Variants in GNG12 observed in about 807,000 individuals in gnomAD.
GNG12 encodes the protein G protein subunit gamma 12, also known as guanine nucleotide-binding protein G(I)/G(S)/G(O) subunit gamma-12.
For synonymous variants in GNG12, 28 were observed against 29.7 expected (o/e 0.94, Z 0.19); for missense variants, 69 against 83.8 (o/e 0.82, Z 0.69).
At chr1:67,751,063 G>T (rs1057217233) in intron 2 of GNG12, among the ~76,000 whole-genome samples, 5 of 151,840 alleles carry the variant, frequency 3.3e-5, no homozygotes, top group African/African-American at 4.8e-5. Flanking sequence ...TTTAACCTCA[G>T]TTATTATTTG....
intron 1 of GNG12, among the ~76,000 whole-genome samples, chr1:67,799,930 G>A (rs1646854547): frequency 6.6e-6 from 1 of 152,066 alleles, no homozygotes; most frequent in Non-Finnish European, 1.5e-5. Flanking sequence ...TTTGTGACAT[G>A]TTTTTGTAGT....
intron 2 of GNG12, among the ~76,000 whole-genome samples, chr1:67,723,584 C>T (rs1394528103): frequency 6.6e-6 from 1 of 152,152 alleles, no homozygotes; most frequent in East Asian, 1.9e-4. Flanking sequence ...ATACCACTTA[C>T]ACTTGCCAAG....
At position 67,704,505 on chromosome 1, in the gene GNG12, C is replaced by T. The variant is rs915215063; in HGVS notation, c.*946G>A. The T allele has an allele frequency of 1.3e-5, 2 of 152,556 alleles. No homozygotes were observed. The highest frequency in any genetic ancestry group is 4.8e-5 in the African/African-American group (2 of 41,422). 9.5% of individuals were successfully genotyped at this position (152,556 alleles called of 1,614,324 possible). ...CAGCTGTTTTTCACACATTCCTGCT[C>T]CTCTCTCAGCTGGGCTCATGTTCAC... On this transcript the variant is annotated 3_prime_UTR_variant, in exon 4 of 4. Transcript: ENST00000370982.
At position 67,738,431 on chromosome 1, in the gene GNG12, T is replaced by C. The variant is rs80351293; in HGVS notation, c.-26-30719A>G. ...GAGGTGAATAAATAGACTCAGTCAC[T>C]GTCCTCACTGAGCTTTGGTCTATAT... On this transcript the variant is annotated intron_variant, in intron 2 of 3. Coordinates refer to ENST00000370982, the MANE Select transcript of GNG12 (RefSeq NM_018841.6). 6.2e-3 allele frequency among the ~76,000 whole-genome samples: 942 copies of C among 152,330 alleles called. 11 individuals carry two copies. Among genetic ancestry groups the C allele is most frequent in the East Asian group, 0.032 (165 of 5,186 alleles).
intron 2 of GNG12, among the ~76,000 whole-genome samples, chr1:67,722,024 T>C (rs1159912977): frequency 6.6e-6 from 1 of 152,152 alleles, no homozygotes; most frequent in Non-Finnish European, 1.5e-5. Context: ...TTTATGATTC[T>C]AGTCTTAAAG....
chr1:67,719,822 T>C (rs1646346899), intron 2 of GNG12, among the ~76,000 whole-genome samples: 1 of 152,230 alleles, frequency 6.6e-6, no homozygotes, highest in African/African-American at 2.4e-5. Flanking sequence ...CCCAGATATC[T>C]GACTTTAAAG....
chr1:67,719,267 A>T (rs1378740885), intron 2 of GNG12, among the ~76,000 whole-genome samples: 1 of 151,880 alleles, frequency 6.6e-6, no homozygotes, highest in Non-Finnish European at 1.5e-5. Context: ...AGTTCACATC[A>T]CCTCTTCCAA....
At chr1:67,739,700 G>A (rs1220805987) in intron 2 of GNG12, among the ~76,000 whole-genome samples, 2 of 152,180 alleles carry the variant, frequency 1.3e-5, no homozygotes, top group African/African-American at 2.4e-5. Flanking sequence ...CAGGGTTGAG[G>A]GAAGAGTTAT....
chr1:67,783,707 A>G (rs1279944767), intron 1 of GNG12, among the ~76,000 whole-genome samples: 1 of 152,240 alleles, frequency 6.6e-6, no homozygotes, highest in Non-Finnish European at 1.5e-5. Context: ...CAAAAATCAC[A>G]TGAAAAAATG....
chr1:67,809,063 G>A (rs867359799), intron 1 of GNG12, among the ~76,000 whole-genome samples: 14 of 152,322 alleles, frequency 9.2e-5, no homozygotes, highest in Middle Eastern at 3.4e-3. Flanking sequence ...AATTAAGGCA[G>A]TGTGGTATTA....
chr1:67,804,042 G>T (rs902018242), intron 1 of GNG12, among the ~76,000 whole-genome samples: 1 of 152,108 alleles, frequency 6.6e-6, no homozygotes, highest in Non-Finnish European at 1.5e-5. Flanking sequence ...GAAAGAAGAG[G>T]GATAGGCAGA....
At chr1:67,829,285 A>AT (rs1435547143) in intron 1 of GNG12, among the ~76,000 whole-genome samples, 1 of 152,222 alleles carries the variant, frequency 6.6e-6, no homozygotes, top group Non-Finnish European at 1.5e-5. Flanking sequence ...TGTATTACTG[A>AT]TTTTTTAAAG....
At chr1:67,770,010 T>C (rs1203777148) in intron 2 of GNG12, among the ~76,000 whole-genome samples, 1 of 152,100 alleles carries the variant, frequency 6.6e-6, no homozygotes, top group Non-Finnish European at 1.5e-5. Context: ...CCTCACCAGA[T>C]GAAGGACCAC....
intron 1 of GNG12, among the ~76,000 whole-genome samples, chr1:67,815,493 C>G (rs1387518672): frequency 6.6e-6 from 1 of 152,150 alleles, no homozygotes; most frequent in African/African-American, 2.4e-5. Flanking sequence ...CAAGGCCTTG[C>G]GGAGGCTCCT....
chr1:67,731,691 C>G (rs1646421138), intron 2 of GNG12, among the ~76,000 whole-genome samples: 1 of 152,158 alleles, frequency 6.6e-6, no homozygotes, highest in African/African-American at 2.4e-5. Flanking sequence ...GAATTTTATG[C>G]TGGAGGCAAC....
intron 2 of GNG12, among the ~76,000 whole-genome samples, chr1:67,739,073 G>A (rs543149869): frequency 6.6e-6 from 1 of 152,172 alleles, no homozygotes; most frequent in African/African-American, 2.4e-5. Flanking sequence ...CAGCTACTTG[G>A]GAGGCTGAGG....
At chr1:67,808,799 G>A (rs1297905733) in intron 1 of GNG12, among the ~76,000 whole-genome samples, 1 of 152,084 alleles carries the variant, frequency 6.6e-6, no homozygotes, top group Non-Finnish European at 1.5e-5. Flanking sequence ...TATCTAAGAA[G>A]ATCTAAATGA....
At chr1:67,820,021 G>A (rs570933289) in intron 1 of GNG12, among the ~76,000 whole-genome samples, 1 of 151,376 alleles carries the variant, frequency 6.6e-6, no homozygotes, top group Non-Finnish European at 1.5e-5. Flanking sequence ...TTTTACTCAA[G>A]GAATTTTGTG....
chr1:67,742,718 A>G (rs969485820), intron 2 of GNG12, among the ~76,000 whole-genome samples: 2 of 152,202 alleles, frequency 1.3e-5, no homozygotes, highest in African/African-American at 4.8e-5. Flanking sequence ...TCACTGGCAA[A>G]TTATACCACT....
Sources: allele counts gnomAD v4.1 joint callset (sites outside exome capture counted in the v4.1 genomes callset), GRCh38; gene constraint gnomAD v4.1.1; transcripts MANE v1.5; gene names NCBI Gene and HGNC (gene_info 2026-07-23, HGNC 2026-07-21).